KAT6A: variants seen among roughly 807,000 people sequenced by gnomAD.
The protein encoded by KAT6A is lysine acetyltransferase 6A, also known as histone acetyltransferase KAT6A.
Under a neutral mutation model 198.4 loss-of-function variants are expected in KAT6A, and 9 were observed. That is an observed-to-expected ratio of 0.05 (90% CI 0.03 to 0.08). The LOEUF is 0.08. Ranked by LOEUF, KAT6A falls within the 10% of genes least tolerant of loss-of-function variation. The pLI is 1.00. For missense variants in KAT6A, 2,077 were observed against 2,509.9 expected, an observed-to-expected ratio of 0.83 and a Z score of 3.69; for synonymous variants, 890 against 883.0, an observed-to-expected ratio of 1.01 and a Z score of -0.14.
Position 41,937,485 on chromosome 8 carries a change from G to A in KAT6A, c.3123C>T (p.Thr1041=), listed in dbSNP as rs908169927. 7 of 1,613,838 alleles carry A rather than the reference G, an allele frequency of 4.3e-6. No homozygotes were observed. Among genetic ancestry groups the A allele is most frequent in the Non-Finnish European group, 5.9e-6 (7 of 1,179,900 alleles). Reference sequence around the variant, plus strand: ...CAAAAGGTTCATCTAACACTTCAGTGGTCTCAGAAATAGTTTCTGTGACTA... The same window carrying A: ...CAAAAGGTTCATCTAACACTTCAGTAGTCTCAGAAATAGTTTCTGTGACTA... The part of the protein sequence containing the change: ...SSVVTETISE[T]TEVLDEPFED... The change falls in exon 16 of 17, where the codon ACC becomes ACT. Residue 1041 remains threonine, a synonymous_variant. Coordinates refer to ENST00000265713, the MANE Select transcript of KAT6A (RefSeq NM_006766.5).
At chr8:41,998,028 G>GT (rs749353327) in intron 2 of KAT6A, among the ~76,000 whole-genome samples, 34 of 152,182 alleles carry the variant, frequency 2.2e-4, no homozygotes, top group Middle Eastern at 6.8e-3. Flanking sequence ...AGGAAAACGA[G>GT]TATTGCTAGG....
chr8:41,932,467 G>A lies in KAT6A; in HGVS notation c.5753C>T (p.Thr1918Ile). ...TCGATAGCTGTTCATGGCATTCAAG[G>A]TGTTCATATTCATGGAATTGACATT... The part of the protein sequence containing the change: ...AYNVNSMNMN[T>I]LNAMNSYRMT... Residue 1918 changes from threonine to isoleucine, a missense_variant, in exon 17 of 17, where the codon ACC (threonine) becomes ATC (isoleucine). Around this residue, in one of 13 missense-constraint regions of KAT6A, gnomAD observed 500 missense variants for 577.2 expected, o/e 0.87. Transcript: ENST00000265713. The A allele has an allele frequency of 6.2e-7, 1 of 1,614,194 alleles. No individual in the cohort carries two copies. The highest frequency in any genetic ancestry group is 8.5e-7 in the Non-Finnish European group (1 of 1,180,034).
chr8:41,956,971 A>G (rs1587739655), intron 8 of KAT6A: 5 of 484,214 alleles, frequency 1.0e-5, no homozygotes, highest in Non-Finnish European at 2.1e-5. Context: ...AACTTTCAAA[A>G]TAACTAAATA....
intron 3 of KAT6A, among the ~76,000 whole-genome samples, chr8:41,983,343 G>C (rs1347492624): frequency 6.6e-6 from 1 of 152,178 alleles, no homozygotes; most frequent in South Asian, 2.1e-4. Flanking sequence ...AATCCAAGAG[G>C]TGTGAAAATT....
Position 41,947,900 on chromosome 8 carries a change from C to T in KAT6A, c.1753G>A (p.Val585Met). The T allele has an allele frequency of 6.3e-7, 1 of 1,599,148 alleles. No individual in the cohort carries two copies. Among genetic ancestry groups the T allele is most frequent in the Non-Finnish European group, 8.5e-7 (1 of 1,176,242 alleles). ...NISVFEVDGNVSTIYCQNLCL... is the reference protein window; with the variant it reads ...NISVFEVDGNMSTIYCQNLCL... ...AGGTTTTGACAATAAATGGTACTCA[C>T]ATTCCCATCAACCTAGAGAAATAAA... The change falls in exon 11 of 17, where the codon GTG becomes ATG. Residue 585 changes from valine (V) to methionine (M), a missense_variant. Val to Met is a conservative substitution (Grantham distance 21). Around this residue, in one of 13 missense-constraint regions of KAT6A, gnomAD observed 46 missense variants for 88.2 expected, o/e 0.52. Transcript: ENST00000265713.
chr8:42,009,792 T>A (rs917082377), intron 2 of KAT6A, among the ~76,000 whole-genome samples: 2 of 135,538 alleles, frequency 1.5e-5, no homozygotes, highest in Admixed American at 8.8e-5. Context: ...CCCAGCTACA[T>A]AAAAGGCTGA....
Position 42,007,485 on chromosome 8 carries a change from G to C in KAT6A, c.601-19922C>G, listed in dbSNP as rs576791440. 5.9e-5 allele frequency among the ~76,000 whole-genome samples: 9 copies of C among 152,238 alleles called. No homozygotes were observed. The South Asian group carries it at 1.9e-3, about 32-fold the overall frequency. On this transcript the variant is annotated intron_variant, in intron 2 of 16. Transcript: ENST00000265713. ...GTTAAAGATAATCATAAATGAATTA[G>C]TAAATTATGTAAGACAGTGACTGGT...
At chr8:41,990,004 T>C (rs1176536851) in intron 2 of KAT6A, among the ~76,000 whole-genome samples, 1 of 151,394 alleles carries the variant, frequency 6.6e-6, no homozygotes, top group African/African-American at 2.4e-5. Flanking sequence ...AAAAAAGAAC[T>C]GGGGAAGTAA....
intron 8 of KAT6A, among the ~76,000 whole-genome samples, chr8:41,964,158 G>T (rs1177734917): frequency 6.6e-6 from 1 of 151,908 alleles, no homozygotes; most frequent in Non-Finnish European, 1.5e-5. Context: ...AGAATACCAG[G>T]GTTCAAATAT....
Position 41,937,457 on chromosome 8 carries a change from C to T in KAT6A, c.3151G>A (p.Asp1051Asn). Residue 1051 changes from aspartate to asparagine, a missense_variant, in exon 16 of 17, where the codon GAT becomes AAT. Asp to Asn is a conservative substitution (Grantham distance 23). Transcript: ENST00000265713. The part of the protein sequence containing the change: ...TTEVLDEPFE[D>N]SDSERPMPRL... ...GGCATTGGCCTCTCGGAGTCAGAAT[C>T]TTCAAAAGGTTCATCTAACACTTCA... is the stretch of plus-strand genomic sequence containing the variant. 1 of 1,614,198 alleles carries T rather than the reference C, an allele frequency of 6.2e-7. No homozygotes were observed. Among genetic ancestry groups the T allele is most frequent in the East Asian group, 2.2e-5 (1 of 44,882 alleles).
At chr8:42,019,422 T>C (rs1199375539) in intron 2 of KAT6A, among the ~76,000 whole-genome samples, 1 of 152,232 alleles carries the variant, frequency 6.6e-6, no homozygotes, top group Non-Finnish European at 1.5e-5. Context: ...TAAACTGCAC[T>C]GCAGGCAGGT....
chr8:41,946,493 T>C lies in KAT6A; in HGVS notation c.1996+98A>G, dbSNP rs2929898. ...CTACAAATCTTTAAATATATATATATACACACACACACACACACACACACA... is the reference window on the plus strand; with the variant it reads ...CTACAAATCTTTAAATATATATATACACACACACACACACACACACACACA... On this transcript the variant is annotated intron_variant, in intron 12 of 16. Coordinates refer to ENST00000265713, the MANE Select transcript of KAT6A (RefSeq NM_006766.5). The C allele has an allele frequency of 0.42, 133,913 of 321,888 alleles. 20,363 individuals are homozygous for C. The highest frequency in any genetic ancestry group is 0.51 in the Middle Eastern group (692 of 1,354). 19.9% of individuals were successfully genotyped at this position (321,888 alleles called of 1,614,324 possible). A position where few individuals can be genotyped will look rare whatever the true frequency, so the allele number is the denominator to read the frequency against.
At chr8:42,021,085 T>C (rs1179904055) in intron 2 of KAT6A, among the ~76,000 whole-genome samples, 1 of 152,088 alleles carries the variant, frequency 6.6e-6, no homozygotes, top group African/African-American at 2.4e-5. Context: ...TACTTCCAAA[T>C]AGGGCCAAAC....
chr8:41,938,260 G>A lies in KAT6A; in HGVS notation c.3040-692C>T, dbSNP rs1821945360. On this transcript the variant is annotated intron_variant, in intron 15 of 16. Transcript: ENST00000265713. ...CAGAGAGGGTATAGGACTTGCTTAA[G>A]TTCACACATCCAGTCAAAGCATTTA... Among the ~76,000 whole-genome samples, 3 of 152,286 alleles carry A rather than the reference G, an allele frequency of 2.0e-5. No individual in the cohort carries two copies. In the South Asian group the frequency reaches 6.2e-4, roughly 32 times the overall value.
At chr8:41,943,042 G>T in intron 13 of KAT6A, 42 bp from the exon 14 acceptor site, 1 of 1,609,400 alleles carries the variant, frequency 6.2e-7, no homozygotes, top group South Asian at 1.1e-5. Context: ...CAATGTACAA[G>T]GTGTACATAA....
intron 10 of KAT6A, among the ~76,000 whole-genome samples, chr8:41,948,433 A>G (rs1350762533): frequency 6.6e-6 from 1 of 152,168 alleles, no homozygotes; most frequent in Non-Finnish European, 1.5e-5. Flanking sequence ...AGAAGCACCA[A>G]GCGGGTTCCT....
At chr8:42,006,343 A>C (rs188904445) in intron 2 of KAT6A, among the ~76,000 whole-genome samples, 148 of 152,194 alleles carry the variant, frequency 9.7e-4, no homozygotes, top group African/African-American at 3.3e-3. Flanking sequence ...AGAGATCAAA[A>C]CTCTATAGCT....
intron 8 of KAT6A, among the ~76,000 whole-genome samples, chr8:41,973,974 C>T (rs1202012575): frequency 6.6e-6 from 1 of 152,152 alleles, no homozygotes; most frequent in East Asian, 1.9e-4. Context: ...CAAATCTCTC[C>T]TATAGTTCAG....
chr8:42,050,555 GAGT>G (rs1220082462), intron 1 of KAT6A, among the ~76,000 whole-genome samples: 2 of 152,152 alleles, frequency 1.3e-5, no homozygotes, highest in African/African-American at 4.8e-5. Context: ...GGAAAGAAAA[GAGT>G]GAAGCAAACA....
Sources: gnomAD v4.1 joint callset for allele counts (sites outside exome capture counted in the v4.1 genomes callset) on GRCh38, gnomAD v4.1.1 for gene constraint, gnomAD v4.1.1 regional missense constraint, MANE v1.5 for transcripts, NCBI Gene and HGNC (gene_info 2026-07-23, HGNC 2026-07-21) for gene names.